The following IRS1 variants were observed in gnomAD, a reference collection of about 807,000 sequenced individuals.
IRS1 encodes insulin receptor substrate 1.
IRS1 carries 34 observed loss-of-function variants against 65.6 expected under a neutral mutation model. That is an observed-to-expected ratio of 0.52 (90% confidence interval 0.39 to 0.69). The LOEUF (loss-of-function observed/expected upper bound fraction) is 0.69, where lower values mean the gene tolerates loss of function less well. IRS1 is among the 30% of genes least tolerant of loss of function. The pLI is 0.00. For missense variants in IRS1, 1,641 were observed against 1,720.2 expected (o/e 0.95, Z 0.81); for synonymous variants, 699 against 683.5 (o/e 1.02, Z -0.35).
chr2:226,737,767 T>C (rs1300140894), intron 1 of IRS1, among the ~76,000 whole-genome samples: 2 of 152,120 alleles, frequency 1.3e-5, no homozygotes, highest in Admixed American at 1.3e-4. Context: ...CCTGGCTTGG[T>C]TTTGGAAGAA....
chr2:226,797,692 G>A lies in IRS1; in HGVS notation c.1047C>T (p.Pro349=). 6.3e-7 allele frequency: 1 copy of A among 1,597,838 alleles called. No individual in the cohort carries two copies. Among genetic ancestry groups the A allele is most frequent in the Non-Finnish European group, 8.5e-7 (1 of 1,178,926 alleles). The stretch of plus-strand genomic sequence containing the variant: ...GGTGGGCGTGGGTTCTGTTGGTGCT[G>A]GGACTCACAGGGCTGCCGTCCACCG... ...PASVDGSPVS[P]STNRTHAHRH... is the part of the protein sequence containing the mutation. Residue 349 remains proline (P), a synonymous_variant, in exon 1 of 2, where the codon CCC becomes CCT. Coordinates refer to ENST00000305123, the MANE Select transcript of IRS1 (RefSeq NM_005544.3). The surrounding 1 kb of genome is among the most constrained non-coding windows in gnomAD (Gnocchi z 8.1).
At chr2:226,750,023 G>T (rs549764037) in intron 1 of IRS1, among the ~76,000 whole-genome samples, 16 of 152,260 alleles carry the variant, frequency 1.1e-4, no homozygotes, top group South Asian at 4.1e-4. Context: ...GCCGAGGCGG[G>T]TGGATCACCT....
rs568261720 is a variant in IRS1 at position 226,758,338 on chromosome 2, A to G, written c.*22-22088T>C. ...GCAGCTATATCATTAGTCTACTACC[A>G]TGACCACTACCATGACCAAACACGT... On this transcript the variant is annotated intron_variant, in intron 1 of 1. Transcript: ENST00000305123. Among the ~76,000 whole-genome samples the G allele has an allele frequency of 2.1e-3, 315 of 152,326 alleles. 1 individual carries two copies. Among genetic ancestry groups the G allele is most frequent in the Admixed American group, 8.0e-3 (123 of 15,298 alleles).
Position 226,798,072 on chromosome 2 carries a change from TGAA to T in IRS1, c.664_666del (p.Phe222del), listed in dbSNP as rs755451703. 9 of 1,614,010 alleles carry T rather than the reference TGAA, an allele frequency of 5.6e-6. No homozygotes were observed. Among genetic ancestry groups the T allele is most frequent in the South Asian group, 1.1e-5 (1 of 91,074 alleles). On this transcript the variant is annotated inframe_deletion, in exon 1 of 2. Transcript: ENST00000305123. The surrounding 1 kb of genome is among the most constrained non-coding windows in gnomAD (Gnocchi z 9.4). ...GTCACGGCAGAACGGCCCACCTCGATGAAGAAGAAGTTTTCCGAGTGGCCACAG... is the reference window on the plus strand; with the variant it reads ...GTCACGGCAGAACGGCCCACCTCGATGAAGAAGTTTTCCGAGTGGCCACAG...
In IRS1 at chr2:226,798,478, G is replaced by A. The variant is rs1250720390; in HGVS notation, c.261C>T (p.Tyr87=). The change falls in exon 1 of 2, where the codon TAC becomes TAT. Residue 87 remains tyrosine, a synonymous_variant. Coordinates refer to ENST00000305123, the MANE Select transcript of IRS1 (RefSeq NM_005544.3). The surrounding 1 kb of genome is among the most constrained non-coding windows in gnomAD (Gnocchi z 9.4). ...CGATGGCAAAGTGCTCGTCCCGGGT[G>A]TAGAGAGCCACCAGGTGCTTGTTCT... ...DSKNKHLVAL[Y]TRDEHFAIAA... The A allele has an allele frequency of 6.2e-7, 1 of 1,614,168 alleles. No homozygotes were observed.
chr2:226,774,913 C>G (rs1202884955), intron 1 of IRS1, among the ~76,000 whole-genome samples: 1 of 152,070 alleles, frequency 6.6e-6, no homozygotes, highest in Non-Finnish European at 1.5e-5. Flanking sequence ...ATAAACAGAT[C>G]AGAGATTGCC....
In IRS1 at chr2:226,798,479, T is replaced by C; in HGVS notation, c.260A>G (p.Tyr87Cys). ...GATGGCAAAGTGCTCGTCCCGGGTG[T>C]AGAGAGCCACCAGGTGCTTGTTCTT... ...DSKNKHLVAL[Y>C]TRDEHFAIAA... The change falls in exon 1 of 2, where the codon TAC (tyrosine) becomes TGC (cysteine). Residue 87 changes from tyrosine (Y) to cysteine (C), a missense_variant. Tyr to Cys is a radical substitution (Grantham distance 194). Coordinates refer to ENST00000305123, the MANE Select transcript of IRS1 (RefSeq NM_005544.3). This position sits in a 1 kb window ranked among gnomAD's most constrained non-coding sequence, Gnocchi z 9.4. 6.2e-7 allele frequency: 1 copy of C among 1,614,088 alleles called. No individual in the cohort carries two copies. The highest frequency in any genetic ancestry group is 8.5e-7 in the Non-Finnish European group (1 of 1,180,014).
rs142957124 is a variant in IRS1 at position 226,798,392 on chromosome 2, C to T, written c.347G>A (p.Arg116His). The T allele has an allele frequency of 4.0e-5, 64 of 1,613,982 alleles. 2 individuals carry two copies. In the Middle Eastern group the frequency reaches 8.2e-4, roughly 21 times the overall value. The change falls in exon 1 of 2, where the codon CGT (arginine) becomes CAT (histidine). Residue 116 changes from arginine to histidine, a missense_variant. Transcript: ENST00000305123. The surrounding 1 kb of genome is among the most constrained non-coding windows in gnomAD (Gnocchi z 9.4). The part of the protein sequence containing the change: ...WYQALLQLHN[R>H]AKGHHDGAAA... ...AGCTCCGTCGTGGTGGCCCTTAGCA[C>T]GGTTGTGCAGCTGTAGGAGAGCCTG...
intron 1 of IRS1, among the ~76,000 whole-genome samples, chr2:226,760,359 G>A (rs1350750336): frequency 6.6e-6 from 1 of 151,996 alleles, no homozygotes; most frequent in Admixed American, 6.6e-5. Context: ...GACAAAAGCC[G>A]GCATCAAGAA....
chr2:226,780,039 T>C (rs1406190673), intron 1 of IRS1, among the ~76,000 whole-genome samples: 2 of 152,156 alleles, frequency 1.3e-5, no homozygotes, highest in Admixed American at 6.5e-5. Context: ...GGAGGAGCAA[T>C]GGGACACATC....
In IRS1 at chr2:226,752,738, A is replaced by G. The variant is rs1938709100; in HGVS notation, c.*22-16488T>C. Among the ~76,000 whole-genome samples the G allele has an allele frequency of 2.6e-5, 4 of 152,340 alleles. No homozygotes were observed. The South Asian group carries it at 8.3e-4, about 32-fold the overall frequency. Reference sequence around the variant, plus strand: ...CCAAGGGATATGGGATACAATGAGAATGTAGTATGTAACCTTTAAAACGGT... The same window carrying G: ...CCAAGGGATATGGGATACAATGAGAGTGTAGTATGTAACCTTTAAAACGGT... On this transcript the variant is annotated intron_variant, in intron 1 of 1. Coordinates refer to ENST00000305123, the MANE Select transcript of IRS1 (RefSeq NM_005544.3).
At position 226,796,116 on chromosome 2, in the gene IRS1, G is replaced by A. The variant is rs767551071; in HGVS notation, c.2623C>T (p.Arg875Ter). The change falls in exon 1 of 2, where the codon CGA (arginine) becomes TGA (stop). Residue 875 changes from arginine (R) to a stop codon, truncating the protein, a stop_gained. Coordinates refer to ENST00000305123, the MANE Select transcript of IRS1 (RefSeq NM_005544.3). LOFTEE classifies it high-confidence loss of function. The stretch of plus-strand genomic sequence containing the variant: ...GGCTGCTGCTGCTGCTGCTGCTCTC[G>A]GGCCCGAGGTAAGGTGCTGGCCTTG... ...DPKASTLPRA[R>*]EQQQQQQPLL... 3 of 1,613,662 alleles carry A rather than the reference G, an allele frequency of 1.9e-6. No individual in the cohort carries two copies. Among genetic ancestry groups the A allele is most frequent in the South Asian group, 1.1e-5 (1 of 91,086 alleles).
rs1438926028 is a variant in IRS1 at position 226,732,491 on chromosome 2, T to TATATAC, written c.*3780_*3781insGTATAT. 30 of 145,678 alleles carry TATATAC rather than the reference T, an allele frequency of 2.1e-4. No individual in the cohort carries two copies. Among genetic ancestry groups the TATATAC allele is most frequent in the Middle Eastern group, 7.1e-3 (2 of 280 alleles). The allele number at this position is 145,678 out of a possible 1,614,324, so 9.0% of individuals were successfully genotyped here. ...ATCTATATATATATATATATATATA[T>TATATAC]ACACACACACACATATGTGTATCTA... is the stretch of plus-strand genomic sequence containing the variant. On this transcript the variant is annotated 3_prime_UTR_variant, in exon 2 of 2. Coordinates refer to ENST00000305123, the MANE Select transcript of IRS1 (RefSeq NM_005544.3).
At chr2:226,778,885 TTC>T in intron 1 of IRS1, among the ~76,000 whole-genome samples, 1 of 152,242 alleles carries the variant, frequency 6.6e-6, no homozygotes, top group Non-Finnish European at 1.5e-5. Context: ...TCTTACTTCC[TTC>T]TCTTTTATAA....
intron 1 of IRS1, among the ~76,000 whole-genome samples, chr2:226,753,946 G>A (rs1272751287): frequency 3.3e-5 from 5 of 152,024 alleles, no homozygotes; most frequent in South Asian, 2.1e-4. Flanking sequence ...TAAACCTCCC[G>A]GGCTCAAACA....
At chr2:226,743,785 T>C (rs1007627828) in intron 1 of IRS1, among the ~76,000 whole-genome samples, 1 of 152,202 alleles carries the variant, frequency 6.6e-6, no homozygotes, top group Non-Finnish European at 1.5e-5. Flanking sequence ...ATACAGGTTT[T>C]ATAGGTCTGG....
chr2:226,774,271 G>T (rs1362116170), intron 1 of IRS1, among the ~76,000 whole-genome samples: 1 of 152,196 alleles, frequency 6.6e-6, no homozygotes, highest in East Asian at 1.9e-4. Flanking sequence ...AAATAAATCT[G>T]TTTTTTAAAA....
At chr2:226,742,111 G>A (rs1019143928) in intron 1 of IRS1, among the ~76,000 whole-genome samples, 12 of 152,186 alleles carry the variant, frequency 7.9e-5, no homozygotes, top group Non-Finnish European at 1.6e-4. Context: ...ACAAAAAGAA[G>A]AGCTAAATCC....
rs1939828203 is a variant in IRS1, at chr2:226,798,984, C to A, written c.-246G>T. 1.4e-6 allele frequency: 2 copies of A among 1,438,266 alleles called. No homozygotes were observed. Among genetic ancestry groups the A allele is most frequent in the South Asian group, 1.5e-5 (1 of 66,596 alleles). The allele number at this position is 1,438,266 out of a possible 1,614,324, so 89.1% of individuals were successfully genotyped here. A position where few individuals can be genotyped will look rare whatever the true frequency, so the allele number is the denominator to read the frequency against. ...CTTCACGCCCGGCGGGGAGGCAGTGCGTCCGGGGTGAGGGCAGCCCCGATC... is the reference window on the plus strand; with the variant it reads ...CTTCACGCCCGGCGGGGAGGCAGTGAGTCCGGGGTGAGGGCAGCCCCGATC... On this transcript the variant is annotated 5_prime_UTR_variant, in exon 1 of 2. Coordinates refer to ENST00000305123, the MANE Select transcript of IRS1 (RefSeq NM_005544.3). The surrounding 1 kb of genome is among the most constrained non-coding windows in gnomAD (Gnocchi z 9.4).
Sources: allele counts gnomAD v4.1 joint callset (sites outside exome capture counted in the v4.1 genomes callset), GRCh38; gene constraint gnomAD v4.1.1; non-coding constraint Gnocchi (gnomAD v3.1); transcripts MANE v1.5; gene names NCBI Gene and HGNC (gene_info 2026-07-23, HGNC 2026-07-21).